The following TCF4 variants were observed in gnomAD, a reference collection of about 807,000 sequenced individuals.
The protein encoded by TCF4 is transcription factor 4.
Under a neutral mutation model 82.1 loss-of-function variants are expected in TCF4, and 3 were observed. That is an observed-to-expected ratio of 0.04 (90% CI 0.02 to 0.09). The LOEUF is 0.09. Among genes scored for constraint, TCF4 ranks in the 10% least tolerant of loss-of-function variants. The pLI is 1.00. For missense variants in TCF4, 518 were observed against 852.7 expected, an observed-to-expected ratio of 0.61 and a Z score of 4.89; for synonymous variants, 276 against 309.6, an observed-to-expected ratio of 0.89 and a Z score of 1.14.
chr18:55,338,209 G>A (rs950813391), intron 8 of TCF4, among the ~76,000 whole-genome samples: 1 of 152,302 alleles, frequency 6.6e-6, no homozygotes, highest in Non-Finnish European at 1.5e-5. Context: ...CCCACCGTGC[G>A]ACGACAAGCA....
chr18:55,494,966 A>G (rs1027354133), intron 3 of TCF4, among the ~76,000 whole-genome samples: 1 of 61,260 alleles, frequency 1.6e-5, no homozygotes, highest in Non-Finnish European at 3.6e-5. Flanking sequence ...GCCTTTCTTT[A>G]AAAAAAAAAA....
chr18:55,285,410 G>C (rs1159202785), intron 8 of TCF4, among the ~76,000 whole-genome samples: 1 of 151,954 alleles, frequency 6.6e-6, no homozygotes. Flanking sequence ...TCAATAAATG[G>C]GATTATTAAT....
intron 6 of TCF4, among the ~76,000 whole-genome samples, chr18:55,381,140 A>T (rs1409790845): frequency 6.6e-6 from 1 of 152,200 alleles, no homozygotes; most frequent in African/African-American, 2.4e-5. Context: ...AATAGCACGA[A>T]ATGTCTTGGG....
At chr18:55,408,510 G>C (rs1291984521) in intron 5 of TCF4, among the ~76,000 whole-genome samples, 1 of 152,156 alleles carries the variant, frequency 6.6e-6, no homozygotes, top group Non-Finnish European at 1.5e-5. Context: ...ACACATACAT[G>C]AGGTTATTAT....
At chr18:55,264,282 T>C (rs1157828968) in intron 11 of TCF4, among the ~76,000 whole-genome samples, 3 of 152,194 alleles carry the variant, frequency 2.0e-5, no homozygotes, top group Admixed American at 6.6e-5. Context: ...CTACAAAGGC[T>C]ACCCATGGAA....
intron 3 of TCF4, among the ~76,000 whole-genome samples, chr18:55,544,309 T>A (rs935535683): frequency 2.0e-5 from 3 of 152,224 alleles, no homozygotes; most frequent in African/African-American, 4.8e-5. Flanking sequence ...AAGTACTCCA[T>A]GTATGTTTAT....
rs190258894 is a variant in TCF4 at position 55,282,773 on chromosome 18, A to G, written c.550-3117T>C. On this transcript the variant is annotated intron_variant, in intron 8 of 19. Coordinates refer to ENST00000354452, the MANE Select transcript of TCF4 (RefSeq NM_001083962.2). ...AAAATCCCAAATTCTAGTACCATGT[A>G]CTAGAGTGACCCCAATGATAAAATA... Among the ~76,000 whole-genome samples the G allele has an allele frequency of 8.6e-4, 131 of 152,266 alleles. 1 individual carries two copies. The highest frequency in any genetic ancestry group is 3.1e-3 in the African/African-American group (128 of 41,578).
chr18:55,326,111 A>G (rs2076509370), intron 8 of TCF4, among the ~76,000 whole-genome samples: 1 of 152,194 alleles, frequency 6.6e-6, no homozygotes, highest in African/African-American at 2.4e-5. Context: ...AAAGCTACTA[A>G]GACACTGGAA....
At chr18:55,554,506 T>C (rs1406049780) in intron 3 of TCF4, among the ~76,000 whole-genome samples, 5 of 152,218 alleles carry the variant, frequency 3.3e-5, no homozygotes, top group African/African-American at 4.8e-5. Flanking sequence ...TTTTATTTTC[T>C]GCCTTATATT....
At chr18:55,373,619 G>T (rs1257998155) in intron 6 of TCF4, among the ~76,000 whole-genome samples, 1 of 151,646 alleles carries the variant, frequency 6.6e-6, no homozygotes, top group Non-Finnish European at 1.5e-5. Flanking sequence ...TCAAGACCAG[G>T]CTGGCCAAAA....
chr18:55,502,165 G>A (rs2096709283), intron 3 of TCF4, among the ~76,000 whole-genome samples: 1 of 152,150 alleles, frequency 6.6e-6, no homozygotes, highest in African/African-American at 2.4e-5. Context: ...GCATGACGAT[G>A]AAAAGTTTCT....
intron 5 of TCF4, chr18:55,422,323 T>C: frequency 1.1e-5 from 11 of 985,204 alleles, no homozygotes; most frequent in Non-Finnish European, 1.3e-5. Context: ...GAACACAACA[T>C]GCTGGGGCTT....
At chr18:55,376,955 A>G (rs1270655597) in intron 6 of TCF4, among the ~76,000 whole-genome samples, 1 of 152,162 alleles carries the variant, frequency 6.6e-6, no homozygotes, top group Non-Finnish European at 1.5e-5. Context: ...CCACCCTCTC[A>G]TTAACGTGGC....
chr18:55,542,921 T>C (rs925567251), intron 3 of TCF4, among the ~76,000 whole-genome samples: 3 of 152,070 alleles, frequency 2.0e-5, no homozygotes, highest in African/African-American at 4.8e-5. Flanking sequence ...GGAACACCCA[T>C]TTGTCTGTTG....
At chr18:55,458,839 C>T (rs573110521) in intron 5 of TCF4, among the ~76,000 whole-genome samples, 1 of 152,196 alleles carries the variant, frequency 6.6e-6, no homozygotes, top group Admixed American at 6.5e-5. Flanking sequence ...CTCCCTTTTC[C>T]ATTTTTTTTG....
chr18:55,273,002 C>G (rs1409130501), intron 10 of TCF4, among the ~76,000 whole-genome samples: 1 of 152,178 alleles, frequency 6.6e-6, no homozygotes, highest in Non-Finnish European at 1.5e-5. Flanking sequence ...GGACTCTATC[C>G]TGTTCTTAAA....
intron 5 of TCF4, among the ~76,000 whole-genome samples, chr18:55,453,496 T>C (rs1294403688): frequency 2.0e-5 from 3 of 152,238 alleles, no homozygotes; most frequent in African/African-American, 7.2e-5. Context: ...ACTTTCTATG[T>C]GAGAAATCTT....
rs373174214 is a variant in TCF4, at chr18:55,223,715, T to TTC, written c.*4319_*4320insGA. The TTC allele has an allele frequency of 0.46, 67,521 of 147,960 alleles. 16,075 individuals carry two copies. Among genetic ancestry groups the TTC allele is most frequent in the African/African-American group, 0.57 (22,586 of 39,934 alleles). 9.2% of individuals were successfully genotyped at this position (147,960 alleles called of 1,614,324 possible). A position where few individuals can be genotyped will look rare whatever the true frequency, so the allele number is the denominator to read the frequency against. On this transcript the variant is annotated 3_prime_UTR_variant, in exon 20 of 20. Transcript: ENST00000354452. ...TTTTTTTGAAATGTTTTCCCTTTTT[T>TTC]TTTTTTTAACAATTTTTTTAAGTTT...
At chr18:55,334,190 A>T (rs1202080930) in intron 8 of TCF4, among the ~76,000 whole-genome samples, 1 of 152,200 alleles carries the variant, frequency 6.6e-6, no homozygotes, top group Admixed American at 6.5e-5. Flanking sequence ...TAATATTAAG[A>T]GCATTATCTT....
Sources: gnomAD v4.1 joint callset for allele counts (sites outside exome capture counted in the v4.1 genomes callset) on GRCh38, gnomAD v4.1.1 for gene constraint, MANE v1.5 for transcripts, NCBI Gene and HGNC (gene_info 2026-07-23, HGNC 2026-07-21) for gene names.